The following MED12L variants were observed in gnomAD, a reference collection of about 807,000 sequenced individuals.
MED12L encodes mediator complex subunit 12L.
MED12L carries 60 observed loss-of-function variants against 281.3 expected under a neutral mutation model. That is an observed-to-expected ratio of 0.21 (90% CI 0.17 to 0.26). MED12L has a LOEUF of 0.26. Among genes scored for constraint, MED12L ranks in the 10% least tolerant of loss-of-function variants. The pLI, the probability that MED12L is intolerant of heterozygous loss-of-function variation, is 1.00. For missense variants in MED12L, 2,146 were observed against 2,680.9 expected (o/e 0.80, Z 4.41); for synonymous variants, 974 against 987.2 (o/e 0.99, Z 0.25).
chr3:151,273,533 G>T (rs1022100190), intron 16 of MED12L, among the ~76,000 whole-genome samples: 3 of 151,346 alleles, frequency 2.0e-5, no homozygotes, highest in African/African-American at 7.3e-5. Context: ...GAGCCACTGC[G>T]CCCGGCCTGA....
intron 16 of MED12L, among the ~76,000 whole-genome samples, chr3:151,282,930 A>G (rs1328156912): frequency 6.6e-6 from 1 of 152,212 alleles, no homozygotes; most frequent in Non-Finnish European, 1.5e-5. Context: ...TTGTTGATTT[A>G]GAGTAGTGGA....
At chr3:151,309,119 G>GCACACA (rs1177424724) in intron 16 of MED12L, among the ~76,000 whole-genome samples, 24 of 144,318 alleles carry the variant, frequency 1.7e-4, no homozygotes, top group African/African-American at 6.0e-4. Context: ...TGAAATACAC[G>GCACACA]CACACACACA....
rs185581358 is a variant in MED12L, at chr3:151,114,546, C to T, written c.100-1792C>T. On this transcript the variant is annotated intron_variant, in intron 2 of 44. Transcript: ENST00000687756. ...GCTGTTTTTCATTTTATGCATTCAGCAGTTACATAGAGGAATAAGTGTATC... is the reference window on the plus strand; with the variant it reads ...GCTGTTTTTCATTTTATGCATTCAGTAGTTACATAGAGGAATAAGTGTATC... Among the ~76,000 whole-genome samples, 5 of 152,284 alleles carry T rather than the reference C, an allele frequency of 3.3e-5. No individual in the cohort carries two copies. The East Asian group carries it at 9.6e-4, about 29-fold the overall frequency.
intron 39 of MED12L, among the ~76,000 whole-genome samples, chr3:151,400,974 A>G (rs887614115): frequency 6.6e-6 from 1 of 152,178 alleles, no homozygotes; most frequent in Non-Finnish European, 1.5e-5. Flanking sequence ...CCCTTCTTCT[A>G]AAGTGGGAAT....
intron 16 of MED12L, among the ~76,000 whole-genome samples, chr3:151,246,164 AGAATAAATAT>A: frequency 6.6e-6 from 1 of 152,258 alleles, no homozygotes; most frequent in African/African-American, 2.4e-5. Flanking sequence ...ATGGGTAGGA[AGAATAAATAT>A]CGTGAAAATG....
Position 151,433,504 on chromosome 3 carries a change from C to G in MED12L, c.*700C>G, listed in dbSNP as rs903381384. 2 of 152,536 alleles carry G rather than the reference C, an allele frequency of 1.3e-5. No individual in the cohort carries two copies. Among genetic ancestry groups the G allele is most frequent in the Non-Finnish European group, 2.9e-5 (2 of 68,030 alleles). The allele number at this position is 152,536 out of a possible 1,614,324, so 9.4% of individuals were successfully genotyped here. ...GAGCCGCCCTAAGATGTGCGGAAAC[C>G]TGTTAGAAGTAGCTGTACTCAAATT... On this transcript the variant is annotated 3_prime_UTR_variant, in exon 45 of 45. Coordinates refer to ENST00000687756, the MANE Select transcript of MED12L (RefSeq NM_001393769.1).
At chr3:151,189,506 G>A (rs540755533) in intron 13 of MED12L, among the ~76,000 whole-genome samples, 2 of 152,110 alleles carry the variant, frequency 1.3e-5, no homozygotes, top group East Asian at 1.9e-4. Flanking sequence ...TGCTTCCCTC[G>A]TTTCTTCCCC....
intron 13 of MED12L, among the ~76,000 whole-genome samples, chr3:151,189,247 G>A (rs566554683): frequency 1.4e-4 from 21 of 152,198 alleles, no homozygotes; most frequent in Non-Finnish European, 2.5e-4. Flanking sequence ...AGGGGCCTGA[G>A]TGAGACCTGC....
chr3:151,297,239 T>C (rs1293737298), intron 16 of MED12L, among the ~76,000 whole-genome samples: 1 of 152,212 alleles, frequency 6.6e-6, no homozygotes, highest in East Asian at 1.9e-4. Flanking sequence ...CAAGCCTATT[T>C]TGATTTAATG....
At chr3:151,194,288 G>C (rs1345656451) in intron 16 of MED12L, among the ~76,000 whole-genome samples, 1 of 152,076 alleles carries the variant, frequency 6.6e-6, no homozygotes, top group Non-Finnish European at 1.5e-5. Context: ...TAATTTGAAA[G>C]TAAATTTGCT....
intron 33 of MED12L, 44 bp from the exon 34 acceptor site, chr3:151,383,735 C>A: frequency 7.6e-7 from 1 of 1,310,816 alleles, no homozygotes; most frequent in Non-Finnish European, 1.1e-6. Flanking sequence ...GGTGTTCTTT[C>A]TGTTTTACAG....
intron 16 of MED12L, among the ~76,000 whole-genome samples, chr3:151,257,426 A>G (rs1738030269): frequency 2.0e-5 from 3 of 152,244 alleles, no homozygotes; most frequent in Admixed American, 2.0e-4. Context: ...TGCCTTAGTT[A>G]GAATACCGGC....
chr3:151,201,241 TC>T (rs1725538280), intron 16 of MED12L, among the ~76,000 whole-genome samples: 2 of 152,124 alleles, frequency 1.3e-5, no homozygotes, highest in Non-Finnish European at 2.9e-5. Context: ...TCTCTCTCTC[TC>T]TCTCACACGC....
intron 38 of MED12L, 72 bp from the exon 39 acceptor site, chr3:151,394,584 G>A (rs1714713650): frequency 1.3e-6 from 2 of 1,585,360 alleles, no homozygotes; most frequent in Middle Eastern, 1.8e-4. Flanking sequence ...TGAAATTTCT[G>A]TGTTTTGATA....
intron 16 of MED12L, chr3:151,300,319 G>A (rs1015495897): frequency 3.4e-6 from 2 of 590,628 alleles, no homozygotes; most frequent in African/African-American, 1.9e-5. Context: ...GCTCTTTGGA[G>A]ATGAACACCT....
intron 16 of MED12L, among the ~76,000 whole-genome samples, chr3:151,343,158 C>T (rs1752088295): frequency 6.6e-6 from 1 of 152,094 alleles, no homozygotes; most frequent in Admixed American, 6.6e-5. Context: ...AAAATAAGGA[C>T]CATACTCTCC....
chr3:151,257,934 C>T (rs1375109230), intron 16 of MED12L, among the ~76,000 whole-genome samples: 1 of 152,184 alleles, frequency 6.6e-6, no homozygotes, highest in African/African-American at 2.4e-5. Context: ...CCCCACCTTC[C>T]CTCTCTAGCT....
intron 18 of MED12L, 82 bp downstream of exon 18, chr3:151,355,321 A>C (rs889495179): frequency 1.2e-6 from 1 of 853,694 alleles, no homozygotes; most frequent in Non-Finnish European, 1.9e-6. Context: ...TATTTTCTCA[A>C]CCTTAATGGT....
Position 151,183,438 on chromosome 3 carries a change from C to T in MED12L, c.1495-1892C>T, listed in dbSNP as rs553786591. ...TGCCCAGATGAGATTTGTCTTTCTC[C>T]TGCCTTTTCAGAATCGTGTGTGCTG... On this transcript the variant is annotated intron_variant, in intron 11 of 44. Transcript: ENST00000687756. 1.3e-5 allele frequency among the ~76,000 whole-genome samples: 2 copies of T among 152,322 alleles called. 1 individual carries two copies. Among genetic ancestry groups the T allele is most frequent in the African/African-American group, 4.8e-5 (2 of 41,564 alleles).
Sources: allele counts gnomAD v4.1 joint callset (sites outside exome capture counted in the v4.1 genomes callset), GRCh38; gene constraint gnomAD v4.1.1; transcripts MANE v1.5; gene names NCBI Gene and HGNC (gene_info 2026-07-23, HGNC 2026-07-21).